The following DNAJB2 variants were observed in gnomAD, a reference collection of about 807,000 sequenced individuals.
The protein encoded by DNAJB2 is dnaJ homolog subfamily B member 2.
DNAJB2 carries 19 observed loss-of-function variants against 33.3 expected under a neutral mutation model. The ratio of observed to expected loss-of-function variants is 0.57; its 90% CI spans 0.40 to 0.84. The LOEUF is 0.84. DNAJB2 is among the 40% of genes least tolerant of loss of function. The probability of loss-of-function intolerance (pLI) is 0.00; values close to 1 mark genes in which losing one functional copy is unlikely to be tolerated. For synonymous variants in DNAJB2, 172 were observed against 164.6 expected (o/e 1.04, Z -0.34); for missense variants, 368 against 430.9 (o/e 0.85, Z 1.29).
intron 8 of DNAJB2, 47 bp downstream of exon 8, chr2:219,283,536 C>A: frequency 1.3e-6 from 2 of 1,573,842 alleles, no homozygotes; most frequent in East Asian, 2.3e-5. Flanking sequence ...AGCCCCAGCC[C>A]CAACCTCAGC....
chr2:219,285,703 A>G lies in DNAJB2; in HGVS notation c.*716A>G, dbSNP rs1951949305. ...TGGGGCGGGAGCCTCTCAGCTGTCC[A>G]GATTCAGAACTGGAGCCCACTCCTC... On this transcript the variant is annotated 3_prime_UTR_variant, in exon 9 of 9. Coordinates refer to ENST00000336576, the MANE Select transcript of DNAJB2 (RefSeq NM_006736.6). 3.3e-6 allele frequency: 4 copies of G among 1,217,264 alleles called. No homozygotes were observed. The highest frequency in any genetic ancestry group is 4.1e-6 in the Non-Finnish European group (4 of 973,462). 75.4% of individuals were successfully genotyped at this position (1,217,264 alleles called of 1,614,324 possible). A position where few individuals can be genotyped will look rare whatever the true frequency, so the allele number is the denominator to read the frequency against.
At position 219,279,690 on chromosome 2, in the gene DNAJB2, G is replaced by A; in HGVS notation, c.-36-108G>A. On this transcript the variant is annotated intron_variant, in intron 1 of 8. Coordinates refer to ENST00000336576, the MANE Select transcript of DNAJB2 (RefSeq NM_006736.6). The surrounding 1 kb of genome is among the most constrained non-coding windows in gnomAD (Gnocchi z 4.9). Reference sequence around the variant, plus strand: ...TCACCGGCCGCAAGCAGAGCCCGGTGTGCTCCGCTTCCAACTGGGAGCGCC... The same window carrying A: ...TCACCGGCCGCAAGCAGAGCCCGGTATGCTCCGCTTCCAACTGGGAGCGCC... 7.4e-6 allele frequency: 6 copies of A among 816,280 alleles called. No individual in the cohort carries two copies. Among genetic ancestry groups the A allele is most frequent in the Admixed American group, 2.5e-5 (1 of 40,658 alleles). The allele number at this position is 816,280 out of a possible 1,614,324, so 50.6% of individuals were successfully genotyped here.
chr2:219,279,890 C>A lies in DNAJB2; in HGVS notation c.57C>A (p.Ile19=). The change falls in exon 2 of 9, where the codon ATC becomes ATA. Residue 19 remains isoleucine, a synonymous_variant. Coordinates refer to ENST00000336576, the MANE Select transcript of DNAJB2 (RefSeq NM_006736.6). This position sits in a 1 kb window ranked among gnomAD's most constrained non-coding sequence, Gnocchi z 4.9. Reference sequence around the variant, plus strand: ...CGCGAAGTGCGTCCGCTGATGACATCAAGAAGGCGTAAGTGCCTCCGTATG... The same window carrying A: ...CGCGAAGTGCGTCCGCTGATGACATAAAGAAGGCGTAAGTGCCTCCGTATG... ...DVPRSASADD[I]KKAYRRKALQ... 6.2e-7 allele frequency: 1 copy of A among 1,613,966 alleles called. No homozygotes were observed. The highest frequency in any genetic ancestry group is 8.5e-7 in the Non-Finnish European group (1 of 1,179,964).
intron 8 of DNAJB2, 59 bp from the exon 9 acceptor site, chr2:219,284,573 G>A: frequency 6.5e-7 from 1 of 1,527,410 alleles, no homozygotes; most frequent in Non-Finnish European, 8.8e-7. Flanking sequence ...GTGTGAGGCA[G>A]CCTGGCAGTA....
rs780560847 is a variant in DNAJB2, at chr2:219,282,620, C to T, written c.353-217C>T. The T allele has an allele frequency of 3.1e-5, 15 of 478,170 alleles. 1 individual carries two copies. The highest frequency in any genetic ancestry group is 6.0e-5 in the African/African-American group (3 of 49,650). 29.6% of individuals were successfully genotyped at this position (478,170 alleles called of 1,614,324 possible). A position where few individuals can be genotyped will look rare whatever the true frequency, so the allele number is the denominator to read the frequency against. On this transcript the variant is annotated intron_variant, in intron 5 of 8. Coordinates refer to ENST00000336576, the MANE Select transcript of DNAJB2 (RefSeq NM_006736.6). ...CATCTGTCCTCCATCCCTCTTCCCC[C>T]TCCTTCCTTCCTTTATTCTTTATTG...
chr2:219,285,850 C>G lies in DNAJB2; in HGVS notation c.*863C>G. ...GAGGGAGGCCTAGGAGGGGACTGCA[C>G]CCATACTGCTTCCCTACCACAAATC... On this transcript the variant is annotated 3_prime_UTR_variant, in exon 9 of 9. Transcript: ENST00000336576. The G allele has an allele frequency of 6.7e-7, 1 of 1,482,392 alleles. No homozygotes were observed. Among genetic ancestry groups the G allele is most frequent in the Non-Finnish European group, 9.0e-7 (1 of 1,115,766 alleles). 91.8% of individuals were successfully genotyped at this position (1,482,392 alleles called of 1,614,324 possible).
rs111901020 is a variant in DNAJB2, at chr2:219,285,024, T to C, written c.*37T>C. 1.4e-5 allele frequency: 21 copies of C among 1,449,138 alleles called. No individual in the cohort carries two copies. The African/African-American group carries it at 2.4e-4, about 17-fold the overall frequency. The allele number at this position is 1,449,138 out of a possible 1,614,324, so 89.8% of individuals were successfully genotyped here. ...AACCTGATCTGATCCAGATCTTGAC[T>C]GGGGGGTCTGACTCACTGTGGGAAG... is the stretch of plus-strand genomic sequence containing the variant. On this transcript the variant is annotated 3_prime_UTR_variant, in exon 9 of 9. Coordinates refer to ENST00000336576, the MANE Select transcript of DNAJB2 (RefSeq NM_006736.6).
In DNAJB2 at chr2:219,283,193, C is replaced by T. The variant is rs774704720; in HGVS notation, c.506C>T (p.Thr169Ile). The T allele has an allele frequency of 3.1e-6, 5 of 1,614,242 alleles. No homozygotes were observed. Among genetic ancestry groups the T allele is most frequent in the African/African-American group, 1.3e-5 (1 of 75,066 alleles). Residue 169 changes from threonine (T) to isoleucine (I), a missense_variant, in exon 7 of 9, where the codon ACA (threonine) becomes ATA (isoleucine). Thr to Ile is a moderately conservative substitution (Grantham distance 89, BLOSUM62 -1). Coordinates refer to ENST00000336576, the MANE Select transcript of DNAJB2 (RefSeq NM_006736.6). ...GCTGGTGCTTTTCGCTCTGTTTCTA[C>T]ATCTACCACCTTTGTCCAAGGACGC... ...PGAGAFRSVS[T>I]STTFVQGRRI...
Position 219,283,498 on chromosome 2 carries a change from C to T in DNAJB2, c.619+9C>T, listed in dbSNP as rs754451895. On this transcript the variant is annotated intron_variant, in intron 8 of 8. Coordinates refer to ENST00000336576, the MANE Select transcript of DNAJB2 (RefSeq NM_006736.6). ...GTCAGTCACAATCAATGGTGAGGAG[C>T]AGCTCCCCTACCCAGCCCCTGGCAG... 2 of 1,611,992 alleles carry T rather than the reference C, an allele frequency of 1.2e-6. No homozygotes were observed. Among genetic ancestry groups the T allele is most frequent in the Non-Finnish European group, 1.7e-6 (2 of 1,178,888 alleles).
chr2:219,281,891 C>T (rs1465173038), intron 4 of DNAJB2, 48 bp from the exon 5 acceptor site: 14 of 1,610,292 alleles, frequency 8.7e-6, no homozygotes, highest in African/African-American at 4.0e-5. Flanking sequence ...GTCCCCCGCT[C>T]AGGGCAGGAT....
intron 5 of DNAJB2, 200 bp downstream of exon 5, chr2:219,282,261 C>T: frequency 1.5e-6 from 1 of 668,224 alleles, no homozygotes; most frequent in Non-Finnish European, 2.6e-6. Context: ...AGTGACACTT[C>T]ACAGACTCAC....
chr2:219,283,826 G>A (rs1951928995), intron 8 of DNAJB2, among the ~76,000 whole-genome samples: 1 of 152,228 alleles, frequency 6.6e-6, no homozygotes, highest in Non-Finnish European at 1.5e-5. Flanking sequence ...GGGAGCCTGA[G>A]CTGCAGCATA....
In DNAJB2 at chr2:219,284,899, TGGG is replaced by T; in HGVS notation, c.892_894del (p.Gly298del). 1 of 1,603,770 alleles carries T rather than the reference TGGG, an allele frequency of 6.2e-7. No individual in the cohort carries two copies. Among genetic ancestry groups the T allele is most frequent in the South Asian group, 1.1e-5 (1 of 90,416 alleles). On this transcript the variant is annotated inframe_deletion, in exon 9 of 9. Transcript: ENST00000336576. The stretch of plus-strand genomic sequence containing the variant: ...AAGGCCCAGCACCAAGATCCAGGCT[TGGG>T]GGGGACCCAGGAGGGTGCGAGGGGT...
intron 5 of DNAJB2, chr2:219,282,519 A>G: frequency 2.6e-6 from 1 of 378,876 alleles, no homozygotes; most frequent in Non-Finnish European, 4.7e-6. Flanking sequence ...AGAGTCACAT[A>G]ACACATGGCA....
In DNAJB2 at chr2:219,285,680, G is replaced by T; in HGVS notation, c.*693G>T. 1.7e-6 allele frequency: 2 copies of T among 1,192,248 alleles called. No individual in the cohort carries two copies. Among genetic ancestry groups the T allele is most frequent in the Non-Finnish European group, 1.0e-6 (1 of 959,384 alleles). The allele number at this position is 1,192,248 out of a possible 1,614,324, so 73.9% of individuals were successfully genotyped here. ...ATCTTCTGGGGAGGCTAGCCGGGTG[G>T]GGCGGGAGCCTCTCAGCTGTCCAGA... is the stretch of plus-strand genomic sequence containing the variant. On this transcript the variant is annotated 3_prime_UTR_variant, in exon 9 of 9. Transcript: ENST00000336576.
chr2:219,282,097 T>C (rs200449308), intron 5 of DNAJB2, 36 bp downstream of exon 5: 2 of 1,613,770 alleles, frequency 1.2e-6, no homozygotes, highest in East Asian at 2.2e-5. Context: ...ATGGCTCAAC[T>C]TCCCCCTCCA....
Position 219,279,637 on chromosome 2 carries a change from G to A in DNAJB2, c.-37+119G>A, listed in dbSNP as rs1008772453. 3.2e-5 allele frequency: 19 copies of A among 602,768 alleles called. No individual in the cohort carries two copies. The highest frequency in any genetic ancestry group is 4.9e-5 in the Non-Finnish European group (17 of 345,048). 37.3% of individuals were successfully genotyped at this position (602,768 alleles called of 1,614,324 possible). ...TAGCTCTTGGCCCCGGCCTGCGGGGGCAGATAAGGCTGCCGGAGGGAGCCT... is the reference window on the plus strand; with the variant it reads ...TAGCTCTTGGCCCCGGCCTGCGGGGACAGATAAGGCTGCCGGAGGGAGCCT... On this transcript the variant is annotated intron_variant, in intron 1 of 8. Transcript: ENST00000336576. The surrounding 1 kb of genome is among the most constrained non-coding windows in gnomAD (Gnocchi z 4.9).
In DNAJB2 at chr2:219,285,049, G is replaced by A; in HGVS notation, c.*62G>A. 7.0e-7 allele frequency: 1 copy of A among 1,436,926 alleles called. No individual in the cohort carries two copies. Among genetic ancestry groups the A allele is most frequent in the Non-Finnish European group, 9.2e-7 (1 of 1,089,178 alleles). The allele number at this position is 1,436,926 out of a possible 1,614,324, so 89.0% of individuals were successfully genotyped here. A position where few individuals can be genotyped will look rare whatever the true frequency, so the allele number is the denominator to read the frequency against. ...TGGGGGGTCTGACTCACTGTGGGAAGAGAAGAGGGGAGTATCCTGAGTTGT... is the reference window on the plus strand; with the variant it reads ...TGGGGGGTCTGACTCACTGTGGGAAAAGAAGAGGGGAGTATCCTGAGTTGT... On this transcript the variant is annotated 3_prime_UTR_variant, in exon 9 of 9. Coordinates refer to ENST00000336576, the MANE Select transcript of DNAJB2 (RefSeq NM_006736.6).
At chr2:219,281,892 A>G in intron 4 of DNAJB2, 47 bp from the exon 5 acceptor site, 1 of 1,611,142 alleles carries the variant, frequency 6.2e-7, no homozygotes, top group Non-Finnish European at 8.5e-7. Flanking sequence ...TCCCCCGCTC[A>G]GGGCAGGATG....
Sources: gnomAD v4.1 joint callset for allele counts (sites outside exome capture counted in the v4.1 genomes callset) on GRCh38, gnomAD v4.1.1 for gene constraint, Gnocchi (gnomAD v3.1) non-coding constraint, MANE v1.5 for transcripts, NCBI Gene and HGNC (gene_info 2026-07-23, HGNC 2026-07-21) for gene names.